Variants in PCNX1 observed in about 807,000 individuals in gnomAD.
PCNX1 encodes the protein pecanex 1, also known as pecanex-like protein 1.
A neutral mutation model predicts 242.2 loss-of-function variants in PCNX1; 78 were observed. The observed-to-expected ratio is 0.32, with a 90% confidence interval of 0.27 to 0.39. PCNX1 has a LOEUF of 0.39. Among genes scored for constraint, PCNX1 ranks in the 10% least tolerant of loss-of-function variants. The pLI is 1.00. For synonymous variants in PCNX1, 1,024 were observed against 1,032.9 expected (o/e 0.99, Z 0.17); for missense variants, 2,581 against 2,856.5 (o/e 0.90, Z 2.20).
chr14:71,016,511 T>G (rs1246394784), intron 11 of PCNX1, among the ~76,000 whole-genome samples: 1 of 152,132 alleles, frequency 6.6e-6, no homozygotes, highest in Non-Finnish European at 1.5e-5. Flanking sequence ...AATACGAGAG[T>G]TATTAAATTT....
chr14:71,098,553 T>TGTGTGTGAGAGAGA (rs60367565), intron 30 of PCNX1, among the ~76,000 whole-genome samples: 31 of 125,734 alleles, frequency 2.5e-4, no homozygotes, highest in East Asian at 2.2e-3. Flanking sequence ...TGTGTGTGTG[T>TGTGTGTGAGAGAGA]GAGAGAGAGA....
intron 8 of PCNX1, among the ~76,000 whole-genome samples, chr14:71,003,080 C>CCTTTTTTTTTTTTTTTTTTT (rs2059552444): frequency 6.3e-5 from 6 of 95,474 alleles, no homozygotes; most frequent in African/African-American, 2.8e-4. Context: ...TGGTTGTCTT[C>CCTTTTTTTTTTTTTTTTTTT]TTTTTTTTTT....
At chr14:70,918,772 A>G (rs1373455808) in intron 1 of PCNX1, among the ~76,000 whole-genome samples, 1 of 152,232 alleles carries the variant, frequency 6.6e-6, no homozygotes, top group Non-Finnish European at 1.5e-5. Flanking sequence ...ATCTCTGTCA[A>G]CAGTATTGAG....
chr14:71,025,234 A>G (rs886067430), intron 13 of PCNX1, among the ~76,000 whole-genome samples: 3 of 152,192 alleles, frequency 2.0e-5, no homozygotes, highest in Non-Finnish European at 4.4e-5. Context: ...TAATGTTACT[A>G]ATAGTATTTA....
intron 2 of PCNX1, among the ~76,000 whole-genome samples, chr14:70,952,470 TTTTC>T (rs2140374666): frequency 6.6e-6 from 1 of 152,326 alleles, no homozygotes; most frequent in South Asian, 2.1e-4. Flanking sequence ...ACTCCCTTGC[TTTTC>T]TTTATTGTTA....
At chr14:70,961,207 A>G (rs1336411600) in intron 2 of PCNX1, among the ~76,000 whole-genome samples, 4 of 152,166 alleles carry the variant, frequency 2.6e-5, no homozygotes, top group Non-Finnish European at 5.9e-5. Context: ...CACATCGCCA[A>G]GTCAATCCTA....
chr14:70,986,997 AC>A (rs2059020039), intron 6 of PCNX1, among the ~76,000 whole-genome samples: 1 of 152,206 alleles, frequency 6.6e-6, no homozygotes, highest in Admixed American at 6.5e-5. Flanking sequence ...TAGCAGGTAT[AC>A]CAATTGTTCA....
At chr14:70,969,257 T>C (rs2058470530) in intron 5 of PCNX1, 147 bp downstream of exon 5, 1 of 607,744 alleles carries the variant, frequency 1.6e-6, no homozygotes, top group Admixed American at 2.7e-5. Context: ...ATGGTGATAG[T>C]AGTAATACAG....
At chr14:71,089,398 A>G (rs1175299153) in intron 30 of PCNX1, 56 bp downstream of exon 30, 10 of 1,291,764 alleles carry the variant, frequency 7.7e-6, no homozygotes, top group Non-Finnish European at 9.9e-6. Flanking sequence ...CCTTCTTCAC[A>G]TGATTTCAAT....
Position 71,088,364 on chromosome 14 carries a change from C to A in PCNX1, c.5372C>A (p.Thr1791Asn), listed in dbSNP as rs1232568252. The change falls in exon 29 of 36, where the codon ACT (threonine) becomes AAT (asparagine). Residue 1791 changes from threonine to asparagine, a missense_variant. Transcript: ENST00000304743. ...VDVDKDSSLVTLCYGLCVLGR... is the reference protein window; with the variant it reads ...VDVDKDSSLVNLCYGLCVLGR... The stretch of plus-strand genomic sequence containing the variant: ...GTGGACAAAGATTCATCCCTAGTGA[C>A]TCTCTGTTATGGACTCTGTGTTCTG... 4 of 1,610,846 alleles carry A rather than the reference C, an allele frequency of 2.5e-6. No homozygotes were observed. Among genetic ancestry groups the A allele is most frequent in the Non-Finnish European group, 3.4e-6 (4 of 1,177,540 alleles).
chr14:71,026,313 A>C, intron 14 of PCNX1, 25 bp downstream of exon 14: 6 of 1,392,318 alleles, frequency 4.3e-6, no homozygotes, highest in Non-Finnish European at 5.9e-6. Context: ...AGTATCTCTA[A>C]TCTTAAAATT....
chr14:71,009,534 G>A, intron 8 of PCNX1, 100 bp from the exon 9 acceptor site: 1 of 604,916 alleles, frequency 1.7e-6, no homozygotes, highest in Non-Finnish European at 2.7e-6. Flanking sequence ...AGGTTATGGT[G>A]TATTTTCTTA....
chr14:71,069,724 C>T (rs570801586), intron 26 of PCNX1, among the ~76,000 whole-genome samples: 3 of 152,282 alleles, frequency 2.0e-5, no homozygotes, highest in South Asian at 4.1e-4. Context: ...CTAATAAATG[C>T]TAAGGATGAT....
chr14:71,022,728 T>C (rs1363183446), intron 12 of PCNX1, among the ~76,000 whole-genome samples: 3 of 152,210 alleles, frequency 2.0e-5, no homozygotes, highest in South Asian at 2.1e-4. Flanking sequence ...ATAATATCTT[T>C]ATTACAAATA....
intron 8 of PCNX1, among the ~76,000 whole-genome samples, chr14:71,006,539 T>C (rs2059673253): frequency 6.6e-6 from 1 of 152,130 alleles, no homozygotes; most frequent in Non-Finnish European, 1.5e-5. Flanking sequence ...TCTACTCTGT[T>C]TATTAGAAAA....
intron 34 of PCNX1, 138 bp from the exon 35 acceptor site, chr14:71,109,314 C>A: frequency 2.4e-6 from 2 of 834,216 alleles, no homozygotes; most frequent in Non-Finnish European, 3.7e-6. Context: ...CAAGATGTAG[C>A]TCTTAAGATT....
chr14:70,990,583 C>T (rs1190160746), intron 7 of PCNX1, among the ~76,000 whole-genome samples: 2 of 151,408 alleles, frequency 1.3e-5, no homozygotes, highest in Admixed American at 6.6e-5. Flanking sequence ...AAAAGAACTT[C>T]GTCTTTCATA....
chr14:71,030,062 G>A (rs2060339481), intron 16 of PCNX1, among the ~76,000 whole-genome samples: 1 of 152,184 alleles, frequency 6.6e-6, no homozygotes, highest in Admixed American at 6.5e-5. Flanking sequence ...GTTTTCCAAA[G>A]TCGTTGTGCT....
intron 10 of PCNX1, chr14:71,012,537 T>C (rs945037581): frequency 5.3e-6 from 1 of 189,190 alleles, no homozygotes; most frequent in Non-Finnish European, 1.1e-5. Flanking sequence ...TCATAACATA[T>C]TCATAAAGAG....
Sources: allele counts gnomAD v4.1 joint callset (sites outside exome capture counted in the v4.1 genomes callset), GRCh38; gene constraint gnomAD v4.1.1; transcripts MANE v1.5; gene names NCBI Gene and HGNC (gene_info 2026-07-23, HGNC 2026-07-21).